The following MCC variants were observed in gnomAD, a reference collection of about 807,000 sequenced individuals.
The protein encoded by MCC is colorectal mutant cancer protein.
A neutral mutation model predicts 116.2 loss-of-function variants in MCC; 90 were observed. The ratio of observed to expected loss-of-function variants is 0.77; its 90% CI spans 0.65 to 0.92. MCC has a LOEUF of 0.92. Ranked by LOEUF, MCC falls within the 40% of genes least tolerant of loss-of-function variation. The probability of loss-of-function intolerance (pLI) is 0.00; values close to 1 mark genes in which losing one functional copy is unlikely to be tolerated. For synonymous variants in MCC, 578 were observed against 510.5 expected (o/e 1.13, Z -1.78); for missense variants, 1,516 against 1,312.2 (o/e 1.16, Z -2.40).
intron 3 of MCC, among the ~76,000 whole-genome samples, chr5:113,156,403 T>A (rs996181480): frequency 2.0e-5 from 3 of 152,166 alleles, no homozygotes; most frequent in Non-Finnish European, 2.9e-5. Flanking sequence ...AGGTAAGCAC[T>A]CAACAAACGG....
At chr5:113,072,813 G>A (rs1390535890) in intron 11 of MCC, among the ~76,000 whole-genome samples, 2 of 152,146 alleles carry the variant, frequency 1.3e-5, no homozygotes, top group Non-Finnish European at 2.9e-5. Context: ...CTCTAGCCCA[G>A]CGCTTTCTTC....
intron 2 of MCC, among the ~76,000 whole-genome samples, chr5:113,370,865 A>G (rs75102466): frequency 0.026 from 3,971 of 152,294 alleles, 177 homozygotes; most frequent in African/African-American, 0.091. Flanking sequence ...AAATTCTAAG[A>G]TTTTATTAAT....
intron 2 of MCC, among the ~76,000 whole-genome samples, chr5:113,367,775 G>T (rs1157302507): frequency 6.6e-6 from 1 of 152,094 alleles, no homozygotes; most frequent in Non-Finnish European, 1.5e-5. Context: ...CTGAGGGGTA[G>T]GGCATATAGG....
chr5:113,091,767 C>T (rs1032938580), intron 8 of MCC, among the ~76,000 whole-genome samples: 7 of 152,072 alleles, frequency 4.6e-5, no homozygotes, highest in African/African-American at 1.7e-4. Context: ...AGCCAGTAGT[C>T]CCAGCTACTC....
intron 6 of MCC, 67 bp from the exon 7 acceptor site, chr5:113,104,422 A>G (rs1756615014): frequency 5.6e-6 from 8 of 1,436,158 alleles, no homozygotes; most frequent in Non-Finnish European, 6.6e-6. Flanking sequence ...GCTTACCATG[A>G]GGGACTCATT....
chr5:113,313,765 T>A (rs1296618470), intron 3 of MCC, among the ~76,000 whole-genome samples: 1 of 152,142 alleles, frequency 6.6e-6, no homozygotes, highest in African/African-American at 2.4e-5. Context: ...GAGACCTGTA[T>A]AATAATCTGC....
intron 14 of MCC, among the ~76,000 whole-genome samples, chr5:113,060,910 T>A (rs1276929312): frequency 6.6e-6 from 1 of 152,198 alleles, no homozygotes; most frequent in Non-Finnish European, 1.5e-5. Context: ...AGATGACTGT[T>A]TCAGCCAGAT....
intron 3 of MCC, chr5:113,234,635 A>G (rs934442327): frequency 6.6e-6 from 1 of 152,220 alleles, no homozygotes; most frequent in Non-Finnish European, 1.5e-5. Context: ...AAATACAGAA[A>G]AACAGAGAAT....
Position 113,214,017 on chromosome 5 carries a change from T to G in MCC, c.628-62595A>C, listed in dbSNP as rs116286363. On this transcript the variant is annotated intron_variant, in intron 3 of 18. Coordinates refer to ENST00000408903, the MANE Select transcript of MCC (RefSeq NM_001085377.2). ...CCCAATCAGCCAAGTCCAGAATTTG[T>G]AGGACTGATGTTTTTTGCAATAGTA... Among the ~76,000 whole-genome samples the G allele has an allele frequency of 2.6e-5, 4 of 152,308 alleles. No individual in the cohort carries two copies. In the East Asian group the frequency reaches 5.8e-4, roughly 22 times the overall value.
rs530557095 is a variant in MCC at position 113,310,448 on chromosome 5, A to G, written c.627+30071T>C. ...AGAAATAAAGTTCTGTTCTTTAAAA[A>G]TCACCTAGTCTGTGGTATCCTGTTA... On this transcript the variant is annotated intron_variant, in intron 3 of 18. Transcript: ENST00000408903. 3.3e-5 allele frequency among the ~76,000 whole-genome samples: 5 copies of G among 152,352 alleles called. No individual in the cohort carries two copies. The East Asian group carries it at 9.6e-4, about 29-fold the overall frequency.
chr5:113,445,294 A>C (rs921168181), intron 1 of MCC, among the ~76,000 whole-genome samples: 2 of 152,196 alleles, frequency 1.3e-5, no homozygotes, highest in African/African-American at 2.4e-5. Flanking sequence ...GAAAAGAAGA[A>C]GTCAAACTAT....
At chr5:113,095,025 C>A (rs1307616680) in intron 8 of MCC, among the ~76,000 whole-genome samples, 2 of 152,180 alleles carry the variant, frequency 1.3e-5, no homozygotes, top group Non-Finnish European at 2.9e-5. Context: ...GAACACAACA[C>A]TGGACTCAGG....
chr5:113,460,396 T>G (rs1049002222), intron 1 of MCC, among the ~76,000 whole-genome samples: 2 of 152,226 alleles, frequency 1.3e-5, no homozygotes, highest in African/African-American at 4.8e-5. Context: ...AATATTTGGA[T>G]TAATACATCT....
intron 11 of MCC, among the ~76,000 whole-genome samples, chr5:113,079,761 G>A (rs984886977): frequency 2.6e-5 from 4 of 152,210 alleles, no homozygotes; most frequent in Non-Finnish European, 4.4e-5. Flanking sequence ...AGGACTTCAT[G>A]ACTAAAACAC....
intron 8 of MCC, among the ~76,000 whole-genome samples, chr5:113,093,425 C>T (rs753934179): frequency 2.0e-5 from 3 of 151,972 alleles, no homozygotes; most frequent in Non-Finnish European, 4.4e-5. Context: ...CCAGCCTGGG[C>T]AACATAGCCA....
At chr5:113,106,442 T>A (rs1040740880) in intron 6 of MCC, among the ~76,000 whole-genome samples, 1 of 152,184 alleles carries the variant, frequency 6.6e-6, no homozygotes, top group Non-Finnish European at 1.5e-5. Context: ...GGCCTTCTTT[T>A]TTCCCCCTGG....
At chr5:113,154,145 C>G (rs1022943035) in intron 3 of MCC, among the ~76,000 whole-genome samples, 2 of 152,128 alleles carry the variant, frequency 1.3e-5, no homozygotes, top group Non-Finnish European at 2.9e-5. Context: ...GTTTAATGAG[C>G]ATTTTTTCCT....
chr5:113,334,031 A>G (rs1375047243), intron 3 of MCC, among the ~76,000 whole-genome samples: 1 of 145,326 alleles, frequency 6.9e-6, no homozygotes, highest in Non-Finnish European at 1.5e-5. Context: ...GTGTACATCA[A>G]TTAATACTTT....
At chr5:113,267,004 T>C (rs963376960) in intron 3 of MCC, among the ~76,000 whole-genome samples, 12 of 152,230 alleles carry the variant, frequency 7.9e-5, no homozygotes, top group Middle Eastern at 3.4e-3. Flanking sequence ...AATAATAAAT[T>C]GGGTCAGAGA....
Sources: allele counts gnomAD v4.1 joint callset (sites outside exome capture counted in the v4.1 genomes callset), GRCh38; gene constraint gnomAD v4.1.1; transcripts MANE v1.5; gene names NCBI Gene and HGNC (gene_info 2026-07-23, HGNC 2026-07-21).